Variants in GYS2 observed in about 807,000 individuals in gnomAD.
GYS2 encodes the protein glycogen [starch] synthase, liver.
GYS2 carries 80 observed loss-of-function variants against 85.6 expected under a neutral mutation model. The ratio of observed to expected loss-of-function variants is 0.93; its 90% CI spans 0.78 to 1.13. GYS2 has a LOEUF of 1.13. Among genes scored for constraint, GYS2 ranks in the 50% most tolerant of loss-of-function variants. GYS2 has a pLI of 0.00. For synonymous variants in GYS2, 328 were observed against 300.7 expected (o/e 1.09, Z -0.94); for missense variants, 881 against 854.9 (o/e 1.03, Z -0.38).
intron 1 of GYS2, among the ~76,000 whole-genome samples, chr12:21,596,864 CA>C (rs1000309937): frequency 6.6e-6 from 1 of 152,104 alleles, no homozygotes; most frequent in Non-Finnish European, 1.5e-5. Flanking sequence ...AAGACTCCTC[CA>C]GAAAGCTCCT....
Position 21,546,397 on chromosome 12 carries a change from C to T in GYS2, c.1496G>A (p.Gly499Asp). 6.2e-7 allele frequency: 1 copy of T among 1,600,358 alleles called. No individual in the cohort carries two copies. Among genetic ancestry groups the T allele is most frequent in the Non-Finnish European group, 8.6e-7 (1 of 1,168,184 alleles). The change falls in exon 12 of 16, where the codon GGT becomes GAT. Residue 499 changes from glycine (G) to aspartate (D), a missense_variant. By Grantham distance (94) the Gly-to-Asp change is moderately conservative (BLOSUM62 -1). Transcript: ENST00000261195. The stretch of plus-strand genomic sequence containing the variant: ...TGATGGAAATACTCCAAGATGACAA[C>T]CTCTAACAAACTCTTCATAGTCCAT... ...LPMDYEEFVRGCHLGVFPSYY... is the reference protein window; with the variant it reads ...LPMDYEEFVRDCHLGVFPSYY...
At chr12:21,565,709 T>C (rs1393265640) in intron 5 of GYS2, among the ~76,000 whole-genome samples, 2 of 151,666 alleles carry the variant, frequency 1.3e-5, no homozygotes, top group Non-Finnish European at 2.9e-5. Context: ...AAAATCAAAA[T>C]ATTGACCTTG....
At chr12:21,586,939 C>T (rs1217069562) in intron 1 of GYS2, among the ~76,000 whole-genome samples, 3 of 151,804 alleles carry the variant, frequency 2.0e-5, no homozygotes, top group South Asian at 2.1e-4. Flanking sequence ...TACCAATGGA[C>T]GATTGGATAA....
chr12:21,552,957 G>A (rs955437023), intron 11 of GYS2, among the ~76,000 whole-genome samples: 2 of 152,172 alleles, frequency 1.3e-5, no homozygotes, highest in Admixed American at 6.5e-5. Context: ...AAAATAATGA[G>A]TTCCCATCAT....
At chr12:21,556,718 T>C (rs187071644) in intron 11 of GYS2, among the ~76,000 whole-genome samples, 23 of 76,026 alleles carry the variant, frequency 3.0e-4, no homozygotes, top group South Asian at 1.1e-3. Context: ...TTAGGAAGCA[T>C]TGGTTAAATA....
chr12:21,537,517 T>C, intron 15 of GYS2: 1 of 315,558 alleles, frequency 3.2e-6, no homozygotes, highest in South Asian at 3.2e-5. Context: ...ACTCAGCACA[T>C]AAATGGTAGA....
intron 2 of GYS2, among the ~76,000 whole-genome samples, chr12:21,578,550 T>C (rs1944472512): frequency 6.6e-6 from 1 of 152,172 alleles, no homozygotes; most frequent in Non-Finnish European, 1.5e-5. Flanking sequence ...TTGAACACTT[T>C]TTCAGAACTT....
chr12:21,588,070 G>T (rs1205951811), intron 1 of GYS2, among the ~76,000 whole-genome samples: 1 of 152,200 alleles, frequency 6.6e-6, no homozygotes, highest in Non-Finnish European at 1.5e-5. Context: ...GCAATACTTT[G>T]TTCATGAGCT....
Position 21,568,957 on chromosome 12 carries a change from A to G in GYS2, c.731T>C (p.Met244Thr), listed in dbSNP as rs890394980. Residue 244 changes from methionine (M) to threonine (T), a missense_variant, in exon 5 of 16, where the codon ATG (methionine) becomes ACG (threonine). Physicochemically the swap from Met to Thr is moderately conservative, Grantham distance 81. Transcript: ENST00000261195. Reference sequence around the variant, plus strand: ...AGCGCAATGAACGGAAGCTCGCTCCATGCAGTACCGGTGGTAAATCTGCCT... The same window carrying G: ...AGCGCAATGAACGGAAGCTCGCTCCGTGCAGTACCGGTGGTAAATCTGCCT... The part of the protein sequence containing the change: ...GERQIYHRYC[M>T]ERASVHCAHV... The G allele has an allele frequency of 1.9e-6, 3 of 1,613,684 alleles. No homozygotes were observed. Among genetic ancestry groups the G allele is most frequent in the Non-Finnish European group, 2.5e-6 (3 of 1,179,544 alleles).
intron 1 of GYS2, among the ~76,000 whole-genome samples, chr12:21,594,004 T>C (rs962326335): frequency 2.6e-5 from 4 of 152,274 alleles, no homozygotes; most frequent in East Asian, 1.9e-4. Context: ...AAAAACCATA[T>C]GATCATCTCA....
intron 5 of GYS2, among the ~76,000 whole-genome samples, chr12:21,566,954 A>G (rs892486893): frequency 2.0e-5 from 3 of 152,214 alleles, no homozygotes; most frequent in African/African-American, 7.2e-5. Flanking sequence ...GTCCACTTTG[A>G]AAAGTAAAAG....
At chr12:21,598,072 C>G (rs1018565922) in intron 1 of GYS2, among the ~76,000 whole-genome samples, 4 of 151,572 alleles carry the variant, frequency 2.6e-5, no homozygotes, top group African/African-American at 9.7e-5. Flanking sequence ...GGAAGGGAGA[C>G]GAAGAGAAGT....
At chr12:21,571,284 C>T (rs775534925) in intron 4 of GYS2, among the ~76,000 whole-genome samples, 1 of 152,106 alleles carries the variant, frequency 6.6e-6, no homozygotes, top group Non-Finnish European at 1.5e-5. Flanking sequence ...AAACCTTATC[C>T]GTTTACACAT....
At chr12:21,544,755 A>G (rs1283263703) in intron 12 of GYS2, among the ~76,000 whole-genome samples, 2 of 152,164 alleles carry the variant, frequency 1.3e-5, no homozygotes, top group Non-Finnish European at 1.5e-5. Flanking sequence ...GTTAGATACA[A>G]ATATTTCCTA....
rs1943908935 is a variant in GYS2 at position 21,536,222 on chromosome 12, T to C, written c.*732A>G. 6.6e-6 allele frequency: 1 copy of C among 152,220 alleles called. No individual in the cohort carries two copies. The highest frequency in any genetic ancestry group is 1.5e-5 in the Non-Finnish European group (1 of 68,046). 9.4% of individuals were successfully genotyped at this position (152,220 alleles called of 1,614,324 possible). On this transcript the variant is annotated 3_prime_UTR_variant, in exon 16 of 16. Coordinates refer to ENST00000261195, the MANE Select transcript of GYS2 (RefSeq NM_021957.4). ...TTAAATATTAATGTGTTTATTTACTTGGATTTTACAAGTTATCATCTATGA... is the reference window on the plus strand; with the variant it reads ...TTAAATATTAATGTGTTTATTTACTCGGATTTTACAAGTTATCATCTATGA...
intron 4 of GYS2, among the ~76,000 whole-genome samples, chr12:21,570,918 G>A (rs1302676612): frequency 1.3e-5 from 2 of 152,228 alleles, no homozygotes; most frequent in African/African-American, 4.8e-5. Context: ...TGAGTATTTT[G>A]TGAATTTCAA....
chr12:21,543,267 A>T (rs1189658416), intron 12 of GYS2, among the ~76,000 whole-genome samples: 1 of 152,232 alleles, frequency 6.6e-6, no homozygotes, highest in East Asian at 1.9e-4. Context: ...GATGAAAAAA[A>T]GATCTTCCCA....
intron 4 of GYS2, among the ~76,000 whole-genome samples, chr12:21,573,843 A>G (rs1343176697): frequency 1.3e-5 from 2 of 152,176 alleles, no homozygotes; most frequent in Non-Finnish European, 1.5e-5. Flanking sequence ...TTAGGCTAGA[A>G]CAAGGGCCCA....
intron 11 of GYS2, among the ~76,000 whole-genome samples, chr12:21,549,863 A>T (rs943750321): frequency 1.3e-5 from 2 of 151,780 alleles, no homozygotes; most frequent in African/African-American, 4.9e-5. Context: ...TCCACTATAA[A>T]GTTATTCTTT....
Sources: allele counts gnomAD v4.1 joint callset (sites outside exome capture counted in the v4.1 genomes callset), GRCh38; gene constraint gnomAD v4.1.1; transcripts MANE v1.5; gene names NCBI Gene and HGNC (gene_info 2026-07-23, HGNC 2026-07-21).